The following ZFAND3 variants were observed in gnomAD, a reference collection of about 807,000 sequenced individuals.
ZFAND3 encodes the protein AN1-type zinc finger protein 3.
In ZFAND3, 10 loss-of-function variants were observed where a neutral mutation model predicts 29.6. The observed-to-expected ratio is 0.34, with a 90% confidence interval of 0.21 to 0.57. The LOEUF (loss-of-function observed/expected upper bound fraction) is 0.57, where lower values mean the gene tolerates loss of function less well. ZFAND3 is among the 20% of genes least tolerant of loss of function. The pLI is 0.86. For missense variants in ZFAND3, 230 were observed against 304.5 expected (o/e 0.76, Z 1.82); for synonymous variants, 128 against 112.6 (o/e 1.14, Z -0.87).
In ZFAND3 at chr6:37,919,066, G is replaced by C. The variant is rs552164412; in HGVS notation, c.72-10893G>C. ...ACTCTCTGGTTCAGGTGATTCTCCT[G>C]CCTCAGCCTCCCGAGTAGCTGGGAT... On this transcript the variant is annotated intron_variant, in intron 1 of 5. Coordinates refer to ENST00000287218, the MANE Select transcript of ZFAND3 (RefSeq NM_021943.3). 2.7e-5 allele frequency among the ~76,000 whole-genome samples: 4 copies of C among 148,856 alleles called. 1 individual carries two copies. In the East Asian group the frequency reaches 8.1e-4, roughly 30 times the overall value.
At chr6:38,023,812 A>G (rs1763395676) in intron 2 of ZFAND3, among the ~76,000 whole-genome samples, 1 of 152,218 alleles carries the variant, frequency 6.6e-6, no homozygotes, top group African/African-American at 2.4e-5. Flanking sequence ...AGTCTCTGAT[A>G]CGTCCTATCA....
intron 1 of ZFAND3, among the ~76,000 whole-genome samples, chr6:37,859,716 A>G (rs1391145013): frequency 2.6e-5 from 4 of 152,104 alleles, no homozygotes; most frequent in African/African-American, 4.8e-5. Context: ...TTGTACCTCA[A>G]TCAGTTTGTG....
At chr6:38,095,951 T>A (rs1764968473) in intron 4 of ZFAND3, among the ~76,000 whole-genome samples, 1 of 151,972 alleles carries the variant, frequency 6.6e-6, no homozygotes, top group African/African-American at 2.4e-5. Context: ...GAGGATCACC[T>A]GAGCCCAGGA....
chr6:38,086,305 C>G (rs1764755876), intron 4 of ZFAND3, among the ~76,000 whole-genome samples: 1 of 152,026 alleles, frequency 6.6e-6, no homozygotes, highest in Admixed American at 6.6e-5. Flanking sequence ...GGTATTTAAA[C>G]AGAGAGAAAT....
chr6:38,048,636 T>TAAAAAAAAAAAAAAAAAAAAAAAAAAA (rs1763958412), intron 2 of ZFAND3, among the ~76,000 whole-genome samples: 1 of 39,018 alleles, frequency 2.6e-5, no homozygotes, highest in Admixed American at 2.7e-4. Context: ...AAAAAAAAAT[T>TAAAAAAAAAAAAAAAAAAAAAAAAAAA]CAATGCCTGT....
At chr6:37,979,183 T>C (rs1355933042) in intron 2 of ZFAND3, among the ~76,000 whole-genome samples, 8 of 152,216 alleles carry the variant, frequency 5.3e-5, no homozygotes, top group African/African-American at 1.9e-4. Context: ...AATGCTAAAA[T>C]TTTTCACCTC....
At chr6:38,075,236 T>A (rs896795493) in intron 3 of ZFAND3, among the ~76,000 whole-genome samples, 1 of 152,146 alleles carries the variant, frequency 6.6e-6, no homozygotes, top group Non-Finnish European at 1.5e-5. Flanking sequence ...CCAAAGTAAA[T>A]GGAAGATCAT....
At chr6:37,859,940 C>T (rs145382368) in intron 1 of ZFAND3, among the ~76,000 whole-genome samples, 9,342 of 145,112 alleles carry the variant, frequency 0.064, 420 homozygotes, top group Middle Eastern at 0.094. Context: ...GGCGTGATCT[C>T]GGCTCACTGC....
At chr6:37,929,793 G>T (rs1299963021) in intron 1 of ZFAND3, among the ~76,000 whole-genome samples, 166 bp from the exon 2 acceptor site, 4 of 150,644 alleles carry the variant, frequency 2.7e-5, no homozygotes, top group African/African-American at 9.8e-5. Context: ...ATTTTGTTGA[G>T]GGGGGAGTGG....
At chr6:38,055,229 A>G (rs959381923) in intron 2 of ZFAND3, among the ~76,000 whole-genome samples, 6 of 152,208 alleles carry the variant, frequency 3.9e-5, no homozygotes, top group Non-Finnish European at 5.9e-5. Context: ...GAAGTATTTT[A>G]TGGTGTGAAA....
chr6:38,059,771 G>T (rs982123120), intron 2 of ZFAND3, among the ~76,000 whole-genome samples: 3 of 152,086 alleles, frequency 2.0e-5, no homozygotes, highest in African/African-American at 7.2e-5. Flanking sequence ...CAGCTACTCG[G>T]GGGCTGAGGC....
chr6:37,925,703 C>CA (rs35278839), intron 1 of ZFAND3, among the ~76,000 whole-genome samples: 61,167 of 118,302 alleles, frequency 0.52, 14,873 homozygotes, highest in Non-Finnish European at 0.56. Flanking sequence ...CACTCCATCT[C>CA]AAAAAAAAAA....
intron 5 of ZFAND3, among the ~76,000 whole-genome samples, chr6:38,149,755 A>G (rs1169305141): frequency 6.6e-6 from 1 of 152,166 alleles, no homozygotes; most frequent in African/African-American, 2.4e-5. Flanking sequence ...TTGACTAATG[A>G]GGTGTTAAGC....
chr6:38,124,493 C>T (rs927991327), intron 5 of ZFAND3, among the ~76,000 whole-genome samples: 5 of 152,182 alleles, frequency 3.3e-5, no homozygotes, highest in Non-Finnish European at 7.4e-5. Context: ...CGGGAGGCAG[C>T]TAAAGCCCGG....
chr6:37,893,255 A>T (rs1765136290), intron 1 of ZFAND3, among the ~76,000 whole-genome samples: 1 of 152,258 alleles, frequency 6.6e-6, no homozygotes, highest in Admixed American at 6.5e-5. Context: ...ACTAAGTGAG[A>T]TAATCTCAGG....
intron 1 of ZFAND3, among the ~76,000 whole-genome samples, chr6:37,886,346 A>G (rs938247162): frequency 2.6e-5 from 4 of 151,440 alleles, no homozygotes; most frequent in African/African-American, 4.8e-5. Context: ...AAAGAAACCA[A>G]TGGTAGGTTT....
chr6:38,064,590 G>A (rs1457149606), intron 3 of ZFAND3, among the ~76,000 whole-genome samples: 1 of 150,816 alleles, frequency 6.6e-6, no homozygotes, highest in Non-Finnish European at 1.5e-5. Flanking sequence ...TTCTCTCCCT[G>A]TCATTAAGAT....
At chr6:37,938,496 T>C (rs1226471349) in intron 2 of ZFAND3, among the ~76,000 whole-genome samples, 2 of 152,202 alleles carry the variant, frequency 1.3e-5, no homozygotes, top group Non-Finnish European at 2.9e-5. Context: ...TCCTGTGTTT[T>C]CTCTCTCTCT....
rs967762029 is a variant in ZFAND3 at position 37,860,623 on chromosome 6, G to A, written c.71+40607G>A. Among the ~76,000 whole-genome samples, 10 of 150,836 alleles carry A rather than the reference G, an allele frequency of 6.6e-5. No individual in the cohort carries two copies. The South Asian group carries it at 2.1e-3, about 32-fold the overall frequency. ...GTTTGCAGTGATGTTTAGTGCCAAG[G>A]GGATATTCACTTAGTTTTTTTTTTT... On this transcript the variant is annotated intron_variant, in intron 1 of 5. Coordinates refer to ENST00000287218, the MANE Select transcript of ZFAND3 (RefSeq NM_021943.3).
Sources: gnomAD v4.1 joint callset for allele counts (sites outside exome capture counted in the v4.1 genomes callset) on GRCh38, gnomAD v4.1.1 for gene constraint, MANE v1.5 for transcripts, NCBI Gene and HGNC (gene_info 2026-07-23, HGNC 2026-07-21) for gene names.